PCDH9: variants seen among roughly 807,000 people sequenced by gnomAD.
The protein encoded by PCDH9 is protocadherin-9.
PCDH9 carries 24 observed loss-of-function variants against 70.6 expected under a neutral mutation model. That is an observed-to-expected ratio of 0.34 (90% CI 0.25 to 0.48). The LOEUF is 0.48. PCDH9 is among the 20% of genes least tolerant of loss of function. The pLI is 0.99. For missense variants in PCDH9, 1,281 were observed against 1,503.6 expected (o/e 0.85, Z 2.45); for synonymous variants, 562 against 558.5 (o/e 1.01, Z -0.09).
At chr13:66,450,166 C>T (rs183324407) in intron 4 of PCDH9, among the ~76,000 whole-genome samples, 1 of 152,222 alleles carries the variant, frequency 6.6e-6, no homozygotes, top group South Asian at 2.1e-4. Flanking sequence ...TATTTATGAT[C>T]TTTCAATATT....
At chr13:67,112,492 A>G (rs1268429197) in intron 2 of PCDH9, among the ~76,000 whole-genome samples, 1 of 152,170 alleles carries the variant, frequency 6.6e-6, no homozygotes, top group African/African-American at 2.4e-5. Flanking sequence ...GGAAGAGATT[A>G]TCATTTGCAC....
chr13:66,934,664 GA>G (rs1161971992), intron 2 of PCDH9, among the ~76,000 whole-genome samples: 1 of 142,508 alleles, frequency 7.0e-6, no homozygotes, highest in African/African-American at 2.6e-5. Context: ...ATTTTATGAA[GA>G]TAACATTTCC....
At chr13:66,684,452 C>T (rs1349605759) in intron 3 of PCDH9, among the ~76,000 whole-genome samples, 1 of 152,168 alleles carries the variant, frequency 6.6e-6, no homozygotes, top group Non-Finnish European at 1.5e-5. Context: ...GTAGGAAGAA[C>T]CCAGTGGGAG....
chr13:66,943,317 C>A (rs1488908646), intron 2 of PCDH9, among the ~76,000 whole-genome samples: 2 of 151,894 alleles, frequency 1.3e-5, no homozygotes, highest in East Asian at 3.9e-4. Context: ...AATTGCTCGG[C>A]CTCTTTTGGT....
At chr13:66,440,001 G>T (rs927822240) in intron 4 of PCDH9, among the ~76,000 whole-genome samples, 6 of 152,058 alleles carry the variant, frequency 3.9e-5, no homozygotes, top group Non-Finnish European at 7.4e-5. Flanking sequence ...ACAACTCAAA[G>T]TTCACCTTGA....
intron 2 of PCDH9, among the ~76,000 whole-genome samples, chr13:67,102,555 C>T (rs531754916): frequency 1.3e-4 from 20 of 152,178 alleles, no homozygotes; most frequent in Non-Finnish European, 2.2e-4. Flanking sequence ...AGGTTAAATG[C>T]TCAGTTACCG....
chr13:66,488,631 C>A (rs746075366), intron 4 of PCDH9, among the ~76,000 whole-genome samples: 40 of 151,780 alleles, frequency 2.6e-4, no homozygotes, highest in Non-Finnish European at 4.4e-5. Context: ...TTATTGTGAT[C>A]AAATAATATG....
intron 4 of PCDH9, among the ~76,000 whole-genome samples, chr13:66,535,829 TATG>T (rs763791177): frequency 1.3e-5 from 2 of 152,010 alleles, no homozygotes; most frequent in Non-Finnish European, 2.9e-5. Flanking sequence ...TCAAGAACCA[TATG>T]ATATCATTGG....
rs1446618464 is a variant in PCDH9, at chr13:67,164,192, C to A, written c.3036+61213G>T. 1.3e-5 allele frequency among the ~76,000 whole-genome samples: 2 copies of A among 152,068 alleles called. 1 individual carries two copies. The highest frequency in any genetic ancestry group is 4.1e-4 in the South Asian group (2 of 4,826). ...TTTTTATTTTCAGCTTTTCTTCCTT[C>A]TTAAAATAACACAAATATATATTTC... On this transcript the variant is annotated intron_variant, in intron 2 of 4. Coordinates refer to ENST00000377865, the MANE Select transcript of PCDH9 (RefSeq NM_203487.3).
At chr13:66,384,902 C>G (rs1489904836) in intron 4 of PCDH9, among the ~76,000 whole-genome samples, 1 of 152,090 alleles carries the variant, frequency 6.6e-6, no homozygotes, top group African/African-American at 2.4e-5. Flanking sequence ...CTCCTGACCT[C>G]AAGTGATCCG....
At chr13:66,638,414 C>T (rs1042858370) in intron 3 of PCDH9, among the ~76,000 whole-genome samples, 1 of 152,052 alleles carries the variant, frequency 6.6e-6, no homozygotes, top group Non-Finnish European at 1.5e-5. Context: ...TGAGTTTATG[C>T]CAAAACAATC....
chr13:66,544,118 A>T (rs1961079592), intron 4 of PCDH9, among the ~76,000 whole-genome samples: 1 of 152,142 alleles, frequency 6.6e-6, no homozygotes, highest in Non-Finnish European at 1.5e-5. Context: ...GATATACAGG[A>T]CCTTTGATGC....
intron 3 of PCDH9, among the ~76,000 whole-genome samples, chr13:66,825,696 C>T (rs1432085169): frequency 6.6e-6 from 1 of 152,012 alleles, no homozygotes; most frequent in Non-Finnish European, 1.5e-5. Flanking sequence ...ATAAAAATTA[C>T]AAAGGAAATG....
intron 2 of PCDH9, among the ~76,000 whole-genome samples, chr13:67,064,893 TAGATA>T (rs1006405812): frequency 4.4e-5 from 3 of 67,812 alleles, no homozygotes; most frequent in Non-Finnish European, 9.2e-5. Context: ...TGTGTGGAAA[TAGATA>T]GATAGATAGA....
intron 4 of PCDH9, among the ~76,000 whole-genome samples, chr13:66,512,303 T>TATATATATATATATATATAC: frequency 6.8e-6 from 1 of 146,428 alleles, no homozygotes; most frequent in East Asian, 2.0e-4. Context: ...TATATATATA[T>TATATATATATATATATATAC]ACACAATAAG....
At chr13:66,839,703 G>T (rs2081084012) in intron 3 of PCDH9, among the ~76,000 whole-genome samples, 1 of 152,118 alleles carries the variant, frequency 6.6e-6, no homozygotes, top group Non-Finnish European at 1.5e-5. Context: ...CTCTGCCCGA[G>T]TTAGCTAATT....
intron 2 of PCDH9, among the ~76,000 whole-genome samples, chr13:66,961,309 C>G (rs2083341191): frequency 6.6e-6 from 1 of 151,984 alleles, no homozygotes; most frequent in Admixed American, 6.6e-5. Context: ...ACTTTGAGCA[C>G]AATAATGGCA....
Position 66,410,874 on chromosome 13 carries a change from G to T in PCDH9, c.3341-105846C>A, listed in dbSNP as rs539756239. ...TATATCTCTGTTACCAAAAAATCTG[G>T]AAAACTTCTAAGAAATGTATCAATA... On this transcript the variant is annotated intron_variant, in intron 4 of 4. Transcript: ENST00000377865. Among the ~76,000 whole-genome samples the T allele has an allele frequency of 2.0e-5, 3 of 152,040 alleles. No homozygotes were observed. In the South Asian group the frequency reaches 6.2e-4, roughly 32 times the overall value.
intron 2 of PCDH9, among the ~76,000 whole-genome samples, chr13:66,965,297 G>T (rs1252586634): frequency 6.6e-6 from 1 of 151,998 alleles, no homozygotes; most frequent in Non-Finnish European, 1.5e-5. Flanking sequence ...CTTTTAAAGA[G>T]CATACTCAAA....
Sources: gnomAD v4.1 joint callset for allele counts (sites outside exome capture counted in the v4.1 genomes callset) on GRCh38, gnomAD v4.1.1 for gene constraint, MANE v1.5 for transcripts, NCBI Gene and HGNC (gene_info 2026-07-23, HGNC 2026-07-21) for gene names.